Variants in MYADML2 observed in about 807,000 individuals in gnomAD.
MYADML2 encodes the protein myeloid associated differentiation marker like 2.
Under a neutral mutation model 16.0 loss-of-function variants are expected in MYADML2, and 17 were observed. The observed-to-expected ratio is 1.06, with a 90% CI of 0.73 to 1.60. MYADML2 has a LOEUF of 1.60. Ranked by LOEUF, MYADML2 falls within the 40% of genes most tolerant of loss-of-function variation. MYADML2 has a pLI of 0.00. For missense variants in MYADML2, 422 were observed against 437.7 expected, an observed-to-expected ratio of 0.96 and a Z score of 0.32; for synonymous variants, 210 against 208.1, an observed-to-expected ratio of 1.01 and a Z score of -0.08.
rs1028110984 is a variant in MYADML2, at chr17:81,939,777, A to G, written c.*1041T>C. 2 of 152,232 alleles carry G rather than the reference A, an allele frequency of 1.3e-5. No homozygotes were observed. Among genetic ancestry groups the G allele is most frequent in the African/African-American group, 4.8e-5 (2 of 41,444 alleles). The allele number at this position is 152,232 out of a possible 1,614,324, so 9.4% of individuals were successfully genotyped here. A position where few individuals can be genotyped will look rare whatever the true frequency, so the allele number is the denominator to read the frequency against. ...GGCCAGTGGGTCAGCTCCTGGCTGG[A>G]CCAGGCTGGGCTTCTGTGCAGGAGA... On this transcript the variant is annotated 3_prime_UTR_variant, in exon 3 of 3. Coordinates refer to ENST00000409745, the MANE Select transcript of MYADML2 (RefSeq NM_001145113.3).
Position 81,940,680 on chromosome 17 carries a change from C to T in MYADML2, c.*138G>A, listed in dbSNP as rs1210658039. On this transcript the variant is annotated 3_prime_UTR_variant, in exon 3 of 3. Coordinates refer to ENST00000409745, the MANE Select transcript of MYADML2 (RefSeq NM_001145113.3). ...CAGTCTGGAAGTCGGGGAGTGACCT[C>T]TCCCGTTGTACTTCATCTCCCCTGA... The T allele has an allele frequency of 3.1e-6, 3 of 961,910 alleles. No homozygotes were observed. The highest frequency in any genetic ancestry group is 3.3e-5 in the African/African-American group (2 of 60,284). 59.6% of individuals were successfully genotyped at this position (961,910 alleles called of 1,614,324 possible). A position where few individuals can be genotyped will look rare whatever the true frequency, so the allele number is the denominator to read the frequency against.
chr17:81,945,253 C>A (rs1409958865), intron 1 of MYADML2, among the ~76,000 whole-genome samples: 8 of 148,082 alleles, frequency 5.4e-5, no homozygotes, highest in South Asian at 2.1e-4. Flanking sequence ...AAAAAAAAAA[C>A]AATTGGCTGG....
At position 81,940,852 on chromosome 17, in the gene MYADML2, T is replaced by A. The variant is rs984134609; in HGVS notation, c.890A>T (p.Tyr297Phe). ...NLLLYVVDLA[Y>F]SQRIRFVPSL is the part of the protein sequence containing the mutation. ...GGGCACGAAGCGAATCCTCTGGGAG[T>A]AGGCGAGGTCAACGACGTACAGGAG... Residue 297 changes from tyrosine to phenylalanine, a missense_variant, in exon 3 of 3, where the codon TAC (tyrosine) becomes TTC (phenylalanine). Transcript: ENST00000409745. The A allele has an allele frequency of 1.3e-6, 2 of 1,521,436 alleles. No individual in the cohort carries two copies. Among genetic ancestry groups the A allele is most frequent in the African/African-American group, 2.8e-5 (2 of 72,506 alleles). The allele number at this position is 1,521,436 out of a possible 1,614,324, so 94.2% of individuals were successfully genotyped here. A position where few individuals can be genotyped will look rare whatever the true frequency, so the allele number is the denominator to read the frequency against.
At chr17:81,946,474 C>T (rs1335588494) in intron 1 of MYADML2, among the ~76,000 whole-genome samples, 3 of 151,556 alleles carry the variant, frequency 2.0e-5, no homozygotes, top group African/African-American at 7.3e-5. Context: ...TGGTGAAACC[C>T]CGTCTCTACT....
In MYADML2 at chr17:81,940,812, T is replaced by C. The variant is rs2041295713; in HGVS notation, c.*6A>G. ...AGAGCAGAGGTGGGTGGGCTGCCAC[T>C]GTGGGCTACAGGCTGGGCACGAAGC... On this transcript the variant is annotated 3_prime_UTR_variant, in exon 3 of 3. Transcript: ENST00000409745. The C allele has an allele frequency of 6.7e-7, 1 of 1,489,328 alleles. No individual in the cohort carries two copies. Among genetic ancestry groups the C allele is most frequent in the Non-Finnish European group, 9.0e-7 (1 of 1,112,502 alleles). The allele number at this position is 1,489,328 out of a possible 1,614,324, so 92.3% of individuals were successfully genotyped here.
intron 1 of MYADML2, among the ~76,000 whole-genome samples, chr17:81,945,835 C>T (rs2041340708): frequency 1.3e-5 from 2 of 151,930 alleles, no homozygotes; most frequent in South Asian, 4.2e-4. Flanking sequence ...CCGTCACACT[C>T]CAGCCCGGGC....
rs566307177 is a variant in MYADML2 at position 81,941,501 on chromosome 17, G to A, written c.241C>T (p.Arg81Trp). 23 of 1,548,090 alleles carry A rather than the reference G, an allele frequency of 1.5e-5. No homozygotes were observed. Among genetic ancestry groups the A allele is most frequent in the African/African-American group, 2.7e-5 (2 of 73,018 alleles). ...GCGGTGAAGTTGCCCCAGGAGAGCC[G>A]CAGGCAGCCGTGGAGCCGTGTGAAC... ...CEFTRLHGCL[R>W]LSWGNFTAAF... The change falls in exon 3 of 3, where the codon CGG becomes TGG. Residue 81 changes from arginine to tryptophan, a missense_variant. Physicochemically the swap from Arg to Trp is moderately radical, Grantham distance 101 (BLOSUM62 -3). Coordinates refer to ENST00000409745, the MANE Select transcript of MYADML2 (RefSeq NM_001145113.3).
At chr17:81,946,225 G>GTTC (rs2041343343) in intron 1 of MYADML2, among the ~76,000 whole-genome samples, 1 of 151,766 alleles carries the variant, frequency 6.6e-6, no homozygotes, top group Non-Finnish European at 1.5e-5. Flanking sequence ...CGTGGTGGTG[G>GTTC]GTGCCTGTAG....
Position 81,941,477 on chromosome 17 carries a change from CGGT to C in MYADML2, c.262_264del (p.Thr88del). On this transcript the variant is annotated inframe_deletion, in exon 3 of 3. Transcript: ENST00000409745. Reference sequence around the variant, plus strand: ...AGGGTGGCCAGCATGGCGAAGGCGGCGGTGAAGTTGCCCCAGGAGAGCCGCAGG... The same window carrying C: ...AGGGTGGCCAGCATGGCGAAGGCGGCGAAGTTGCCCCAGGAGAGCCGCAGG... The C allele has an allele frequency of 1.3e-6, 2 of 1,548,740 alleles. No homozygotes were observed. The highest frequency in any genetic ancestry group is 1.4e-5 in the African/African-American group (1 of 73,154).
intron 1 of MYADML2, 92 bp downstream of exon 1, chr17:81,946,967 A>G (rs1446257061): frequency 7.1e-6 from 1 of 140,792 alleles, no homozygotes; most frequent in African/African-American, 2.8e-5. Flanking sequence ...ACAGAGGGAG[A>G]CTCCATCTCA....
rs576492751 is a variant in MYADML2 at position 81,942,094 on chromosome 17, C to T, written c.-103+202G>A. 1.9e-4 allele frequency: 40 copies of T among 214,468 alleles called. No homozygotes were observed. In the East Asian group the frequency reaches 3.6e-3, roughly 19 times the overall value. 13.3% of individuals were successfully genotyped at this position (214,468 alleles called of 1,614,324 possible). On this transcript the variant is annotated intron_variant, in intron 2 of 2. Transcript: ENST00000409745. This position sits in a 1 kb window ranked among gnomAD's most constrained non-coding sequence, Gnocchi z 4.4. ...TCCCGCGCACCTGCATCTGTCAATC[C>T]GGTCAGTTGGTTTCACGCTTGTGGG...
chr17:81,941,848 A>G lies in MYADML2; in HGVS notation c.-102-5T>C. 8.8e-7 allele frequency: 1 copy of G among 1,132,120 alleles called. No homozygotes were observed. The highest frequency in any genetic ancestry group is 1.2e-6 in the Non-Finnish European group (1 of 814,640). The allele number at this position is 1,132,120 out of a possible 1,614,324, so 70.1% of individuals were successfully genotyped here. A position where few individuals can be genotyped will look rare whatever the true frequency, so the allele number is the denominator to read the frequency against. The stretch of plus-strand genomic sequence containing the variant: ...GTAGTGGCAGGTGCCTGCAGCCTGC[A>G]GAGGCAGTGACGACGGTGACATTGC... On this transcript the variant is annotated splice_polypyrimidine_tract_variant and splice_region_variant and intron_variant, in intron 2 of 2. Coordinates refer to ENST00000409745, the MANE Select transcript of MYADML2 (RefSeq NM_001145113.3).
chr17:81,941,501 G>T lies in MYADML2; in HGVS notation c.241C>A (p.Arg81=), dbSNP rs566307177. ...CEFTRLHGCL[R]LSWGNFTAAF... is the part of the protein sequence containing the mutation. ...GCGGTGAAGTTGCCCCAGGAGAGCC[G>T]CAGGCAGCCGTGGAGCCGTGTGAAC... The change falls in exon 3 of 3, where the codon CGG becomes AGG. Residue 81 remains arginine (R), a synonymous_variant. Coordinates refer to ENST00000409745, the MANE Select transcript of MYADML2 (RefSeq NM_001145113.3). 503 of 1,548,206 alleles carry T rather than the reference G, an allele frequency of 3.2e-4. 4 individuals carry two copies. The highest frequency in any genetic ancestry group is 4.6e-5 in the Non-Finnish European group (53 of 1,146,236).
chr17:81,944,220 C>T (rs970005265), intron 1 of MYADML2, among the ~76,000 whole-genome samples: 1 of 151,958 alleles, frequency 6.6e-6, no homozygotes, highest in African/African-American at 2.4e-5. Flanking sequence ...TCCTGGCTAA[C>T]ACAGTGAAAC....
At chr17:81,945,493 A>G (rs879830621) in intron 1 of MYADML2, among the ~76,000 whole-genome samples, 1 of 151,374 alleles carries the variant, frequency 6.6e-6, no homozygotes, top group Non-Finnish European at 1.5e-5. Flanking sequence ...GAGCCAAGAT[A>G]GTGCCACTGC....
In MYADML2 at chr17:81,942,847, G is replaced by A. The variant is rs1192121551; in HGVS notation, c.-180-474C>T. Among the ~76,000 whole-genome samples the A allele has an allele frequency of 6.6e-6, 1 of 151,894 alleles. No homozygotes were observed. The highest frequency in any genetic ancestry group is 6.6e-5 in the Admixed American group (1 of 15,238). ...ATTATAGGCGTGAGCCACTAGGTCCGGCCCCTCTTTTTTTTCGAGATAGGG... is the reference window on the plus strand; with the variant it reads ...ATTATAGGCGTGAGCCACTAGGTCCAGCCCCTCTTTTTTTTCGAGATAGGG... On this transcript the variant is annotated intron_variant, in intron 1 of 2. Transcript: ENST00000409745. The surrounding 1 kb of genome is among the most constrained non-coding windows in gnomAD (Gnocchi z 4.4).
In MYADML2 at chr17:81,941,745, G is replaced by A; in HGVS notation, c.-4C>T. ...GGGGCTCCATGGTGCTGCCCATCTGGCCAGCCACGTTTCCAGCTCACACAG... is the reference window on the plus strand; with the variant it reads ...GGGGCTCCATGGTGCTGCCCATCTGACCAGCCACGTTTCCAGCTCACACAG... On this transcript the variant is annotated 5_prime_UTR_variant, in exon 3 of 3. Coordinates refer to ENST00000409745, the MANE Select transcript of MYADML2 (RefSeq NM_001145113.3). 3 of 1,498,628 alleles carry A rather than the reference G, an allele frequency of 2.0e-6. No homozygotes were observed. The highest frequency in any genetic ancestry group is 2.7e-6 in the Non-Finnish European group (3 of 1,119,664). 92.8% of individuals were successfully genotyped at this position (1,498,628 alleles called of 1,614,324 possible).
rs1383090423 is a variant in MYADML2 at position 81,940,946 on chromosome 17, TGGG to T, written c.793_795del (p.Pro265del). On this transcript the variant is annotated inframe_deletion, in exon 3 of 3. Coordinates refer to ENST00000409745, the MANE Select transcript of MYADML2 (RefSeq NM_001145113.3). ...CAGGGACAGCTGCCCCGAGCACAGT[TGGG>T]GGGCCGTTTGGGCTCACCGTACTTG... 2 of 1,550,426 alleles carry T rather than the reference TGGG, an allele frequency of 1.3e-6. No individual in the cohort carries two copies. The highest frequency in any genetic ancestry group is 1.4e-5 in the African/African-American group (1 of 73,034).
At chr17:81,945,268 G>T (rs532601630) in intron 1 of MYADML2, among the ~76,000 whole-genome samples, 7 of 151,724 alleles carry the variant, frequency 4.6e-5, no homozygotes, top group African/African-American at 1.7e-4. Flanking sequence ...GGCTGGGTGC[G>T]GTGGCTCACA....
Sources: allele counts gnomAD v4.1 joint callset (sites outside exome capture counted in the v4.1 genomes callset), GRCh38; gene constraint gnomAD v4.1.1; non-coding constraint Gnocchi (gnomAD v3.1); transcripts MANE v1.5; gene names NCBI Gene and HGNC (gene_info 2026-07-23, HGNC 2026-07-21).